The following HSPG2 variants were observed in gnomAD, a reference collection of about 807,000 sequenced individuals.
The protein encoded by HSPG2 is heparan sulfate proteoglycan 2.
A neutral mutation model predicts 526.6 loss-of-function variants in HSPG2; 278 were observed. The observed-to-expected ratio is 0.53, with a 90% CI of 0.48 to 0.58. The LOEUF (loss-of-function observed/expected upper bound fraction) is 0.58. HSPG2 is among the 20% of genes least tolerant of loss of function. The pLI is 0.00. For synonymous variants in HSPG2, 2,465 were observed against 2,555.4 expected (o/e 0.96, Z 1.07); for missense variants, 5,354 against 6,099.5 (o/e 0.88, Z 4.07).
rs756115471 is a variant in HSPG2, at chr1:21,828,909, C to A, written c.12163G>T (p.Gly4055Trp). ...AGTGGCACGGAAGGCTCCACACCCC[C>A]CAGGTAGAGCAGGGTGTGCAGGTTG... ...GLNLHTLLYL[G>W]GVEPSVPLSP... The change falls in exon 88 of 97, where the codon GGG (glycine) becomes TGG (tryptophan). Residue 4055 changes from glycine (G) to tryptophan (W), a missense_variant. Coordinates refer to ENST00000374695, the MANE Select transcript of HSPG2 (RefSeq NM_005529.7). This position sits in a 1 kb window ranked among gnomAD's most constrained non-coding sequence, Gnocchi z 6.0. 3.8e-6 allele frequency: 6 copies of A among 1,560,878 alleles called. No homozygotes were observed. The highest frequency in any genetic ancestry group is 4.3e-6 in the Non-Finnish European group (5 of 1,152,514).
At chr1:21,908,058 C>T in intron 1 of HSPG2, 2 of 743,120 alleles carry the variant, frequency 2.7e-6, no homozygotes, top group Non-Finnish European at 4.9e-6. Context: ...GTGTTTGCTG[C>T]CTTTCGGCCG....
In HSPG2 at chr1:21,851,930, G is replaced by A. The variant is rs1304653996; in HGVS notation, c.6871-4C>T. 6.2e-7 allele frequency: 1 copy of A among 1,600,898 alleles called. No individual in the cohort carries two copies. Among genetic ancestry groups the A allele is most frequent in the Non-Finnish European group, 8.5e-7 (1 of 1,174,168 alleles). ...TGTACAGGCGGGAGCCACGAACCTG[G>A]GCAGCCGTGGGCAGAGGTGTGAGGG... is the stretch of plus-strand genomic sequence containing the variant. On this transcript the variant is annotated splice_polypyrimidine_tract_variant and splice_region_variant and intron_variant, in intron 53 of 96. Transcript: ENST00000374695.
chr1:21,877,883 C>T (rs940682261), intron 21 of HSPG2, among the ~76,000 whole-genome samples: 1 of 152,224 alleles, frequency 6.6e-6, no homozygotes, highest in African/African-American at 2.4e-5. Context: ...ATATCTATAT[C>T]ATTGTATCAA....
At chr1:21,931,140 G>C (rs1183341186) in intron 1 of HSPG2, among the ~76,000 whole-genome samples, 1 of 152,174 alleles carries the variant, frequency 6.6e-6, no homozygotes, top group Non-Finnish European at 1.5e-5. Flanking sequence ...CACATTCCCA[G>C]GCCTCAAAGA....
Position 21,839,265 on chromosome 1 carries a change from G to C in HSPG2, c.9889+106C>G. ...AGGGCAGGCTCCAGGACCCTGCAGC[G>C]CCTGGAGACCTCTGGATGGGGTTCC... On this transcript the variant is annotated intron_variant, in intron 73 of 96. Coordinates refer to ENST00000374695, the MANE Select transcript of HSPG2 (RefSeq NM_005529.7). This position sits in a 1 kb window ranked among gnomAD's most constrained non-coding sequence, Gnocchi z 4.5. 6.8e-7 allele frequency: 1 copy of C among 1,461,386 alleles called. No homozygotes were observed. The highest frequency in any genetic ancestry group is 9.5e-7 in the Non-Finnish European group (1 of 1,055,696). 90.5% of individuals were successfully genotyped at this position (1,461,386 alleles called of 1,614,324 possible). A position where few individuals can be genotyped will look rare whatever the true frequency, so the allele number is the denominator to read the frequency against.
chr1:21,896,160 G>A lies in HSPG2; in HGVS notation c.199+15C>T. On this transcript the variant is annotated intron_variant, in intron 2 of 96. Transcript: ENST00000374695. The stretch of plus-strand genomic sequence containing the variant: ...CCCCCACCCCTCTGCTCCCAGCCTT[G>A]GATCCTTGGCTCACCTCCTGAGATG... 2 of 1,612,964 alleles carry A rather than the reference G, an allele frequency of 1.2e-6. No homozygotes were observed. The highest frequency in any genetic ancestry group is 2.2e-5 in the South Asian group (2 of 91,002).
At chr1:21,842,420 C>T (rs1219144514) in intron 67 of HSPG2, 40 bp from the exon 68 acceptor site, 18 of 1,551,160 alleles carry the variant, frequency 1.2e-5, no homozygotes, top group African/African-American at 1.4e-5. Flanking sequence ...GGGCAAAGTC[C>T]CCAGGACAAG....
chr1:21,878,368 G>A, intron 20 of HSPG2, 65 bp downstream of exon 20: 1 of 1,570,142 alleles, frequency 6.4e-7, no homozygotes, highest in South Asian at 1.1e-5. Context: ...GAGGGAGGGT[G>A]CCTGGTGTGC....
intron 85 of HSPG2, chr1:21,830,332 T>C (rs1325488159): frequency 1.8e-6 from 1 of 552,742 alleles, no homozygotes; most frequent in African/African-American, 1.9e-5. Context: ...CTTCAGAGAC[T>C]GGACAGTGTT....
In HSPG2 at chr1:21,874,667, G is replaced by A. The variant is rs761622635; in HGVS notation, c.3477C>T (p.Cys1159=). 6.2e-7 allele frequency: 1 copy of A among 1,612,770 alleles called. No individual in the cohort carries two copies. The highest frequency in any genetic ancestry group is 8.5e-7 in the Non-Finnish European group (1 of 1,179,400). The change falls in exon 27 of 97, where the codon TGC becomes TGT. Residue 1159 remains cysteine, a synonymous_variant. Transcript: ENST00000374695. ...AGGCCTCTGAGTGGCCATGGCAGCTGCAGCGTTCACAGGTACCCAGGTAGA... is the reference window on the plus strand; with the variant it reads ...AGGCCTCTGAGTGGCCATGGCAGCTACAGCGTTCACAGGTACCCAGGTAGA... ...SGLYLGTCER[C]SCHGHSEACE... is the part of the protein sequence containing the mutation.
intron 47 of HSPG2, 65 bp downstream of exon 47, chr1:21,855,239 A>T: frequency 6.5e-6 from 10 of 1,543,510 alleles, no homozygotes; most frequent in Non-Finnish European, 8.7e-6. Flanking sequence ...AGGGGGAGGG[A>T]AGGTGGCTGG....
Position 21,824,126 on chromosome 1 carries a change from T to G in HSPG2, c.12894A>C (p.Ala4298=). 1 of 1,613,038 alleles carries G rather than the reference T, an allele frequency of 6.2e-7. No homozygotes were observed. The highest frequency in any genetic ancestry group is 8.5e-7 in the Non-Finnish European group (1 of 1,179,934). The change falls in exon 95 of 97, where the codon GCA becomes GCC. Residue 4298 remains alanine (A), a synonymous_variant. Coordinates refer to ENST00000374695, the MANE Select transcript of HSPG2 (RefSeq NM_005529.7). The surrounding 1 kb of genome is among the most constrained non-coding windows in gnomAD (Gnocchi z 5.9). The part of the protein sequence containing the change: ...INDGEWHRVT[A]LREGRRGSIQ... ...TGCCCGGCAGGGTCCCTTACCGCAG[T>G]GCTGTCACCCGGTGCCACTCGCCGT...
rs148384253 is a variant in HSPG2, at chr1:21,850,110, G to A, written c.7377C>T (p.Leu2459=). The A allele has an allele frequency of 5.0e-6, 8 of 1,613,432 alleles. No individual in the cohort carries two copies. The highest frequency in any genetic ancestry group is 2.2e-5 in the East Asian group (1 of 44,886). The change falls in exon 57 of 97, where the codon CTC becomes CTT. Residue 2459 remains leucine, a synonymous_variant. Coordinates refer to ENST00000374695, the MANE Select transcript of HSPG2 (RefSeq NM_005529.7). ...CCTGGGCATGGGCCTGACCAGCAACGAGGCAGTTCAGGTCCAGGGTCTGCC... is the reference window on the plus strand; with the variant it reads ...CCTGGGCATGGGCCTGACCAGCAACAAGGCAGTTCAGGTCCAGGGTCTGCC... ...AEGQTLDLNC[L]VAGQAHAQVT... is the part of the protein sequence containing the mutation.
At chr1:21,860,285 G>T (rs1400138997) in intron 39 of HSPG2, 50 bp from the exon 40 acceptor site, 1 of 1,544,496 alleles carries the variant, frequency 6.5e-7, no homozygotes, top group Non-Finnish European at 8.9e-7. Context: ...GGGCCCCAGT[G>T]CCTCATGGTG....
At chr1:21,885,297 C>T in intron 10 of HSPG2, 23 bp downstream of exon 10, 4 of 1,613,832 alleles carry the variant, frequency 2.5e-6, no homozygotes, top group Non-Finnish European at 3.4e-6. Context: ...GGGCCCGCAT[C>T]TCGACCCCAG....
chr1:21,928,426 C>T (rs1291181203), intron 1 of HSPG2, among the ~76,000 whole-genome samples: 2 of 152,220 alleles, frequency 1.3e-5, no homozygotes, highest in Non-Finnish European at 1.5e-5. Context: ...CATTAATTTG[C>T]TCACTTGAAT....
At chr1:21,866,466 C>T (rs889424546) in intron 33 of HSPG2, among the ~76,000 whole-genome samples, 2 of 152,206 alleles carry the variant, frequency 1.3e-5, no homozygotes, top group Admixed American at 6.5e-5. Context: ...CACTTATGCT[C>T]TTTCTACCAG....
At chr1:21,879,597 T>A (rs369725651) in intron 17 of HSPG2, among the ~76,000 whole-genome samples, 1 of 151,878 alleles carries the variant, frequency 6.6e-6, no homozygotes, top group South Asian at 2.1e-4. Flanking sequence ...CCAGGATTAG[T>A]CTGATGAGGG....
intron 74 of HSPG2, 91 bp downstream of exon 74, chr1:21,838,734 G>A: frequency 7.3e-7 from 1 of 1,377,662 alleles, no homozygotes; most frequent in South Asian, 1.2e-5. Flanking sequence ...GGTTATGGAG[G>A]GAGGCCTTCC....
Sources: gnomAD v4.1 joint callset for allele counts (sites outside exome capture counted in the v4.1 genomes callset) on GRCh38, gnomAD v4.1.1 for gene constraint, Gnocchi (gnomAD v3.1) non-coding constraint, MANE v1.5 for transcripts, NCBI Gene and HGNC (gene_info 2026-07-23, HGNC 2026-07-21) for gene names.